STXBP6: variants seen among roughly 807,000 people sequenced by gnomAD.
STXBP6 encodes syntaxin binding protein 6, also known as syntaxin-binding protein 6.
A neutral mutation model predicts 26.9 loss-of-function variants in STXBP6; 21 were observed. The observed-to-expected ratio is 0.78, with a 90% CI of 0.55 to 1.12. STXBP6 has a LOEUF of 1.12. STXBP6 is among the 50% of genes most tolerant of loss of function. The pLI, the probability that STXBP6 is intolerant of heterozygous loss-of-function variation, is 0.00. For missense variants in STXBP6, 232 were observed against 257.9 expected (o/e 0.90, Z 0.69); for synonymous variants, 97 against 92.6 (o/e 1.05, Z -0.27).
At chr14:24,861,564 T>C (rs1055658768) in intron 2 of STXBP6, among the ~76,000 whole-genome samples, 3 of 152,196 alleles carry the variant, frequency 2.0e-5, no homozygotes, top group Admixed American at 6.5e-5. Context: ...GCAATATCCA[T>C]GAGAAACAAA....
chr14:24,995,939 A>C (rs2074590093), intron 1 of STXBP6, among the ~76,000 whole-genome samples: 1 of 152,178 alleles, frequency 6.6e-6, no homozygotes, highest in Non-Finnish European at 1.5e-5. Context: ...ACAAATCTGA[A>C]CACTGCTTTC....
intron 2 of STXBP6, among the ~76,000 whole-genome samples, chr14:24,859,410 A>G (rs2069452774): frequency 6.6e-6 from 1 of 152,110 alleles, no homozygotes. Context: ...AAATTATATT[A>G]TTATATACAC....
chr14:25,045,331 C>G (rs762276550), intron 1 of STXBP6, among the ~76,000 whole-genome samples: 1 of 152,232 alleles, frequency 6.6e-6, no homozygotes, highest in Middle Eastern at 3.4e-3. Context: ...ATAGGCAGTG[C>G]TTCCCAAATG....
chr14:24,818,356 G>A (rs1464471895), intron 5 of STXBP6, among the ~76,000 whole-genome samples: 1 of 152,068 alleles, frequency 6.6e-6, no homozygotes, highest in African/African-American at 2.4e-5. Flanking sequence ...CTTCTAAAAG[G>A]CACAGTTCTC....
intron 1 of STXBP6, among the ~76,000 whole-genome samples, chr14:24,987,476 G>A (rs943529902): frequency 6.6e-6 from 1 of 152,226 alleles, no homozygotes; most frequent in African/African-American, 2.4e-5. Flanking sequence ...GCTCCCACCT[G>A]GGGTGTCCTG....
At chr14:24,814,168 A>G (rs2067903019) in intron 5 of STXBP6, among the ~76,000 whole-genome samples, 1 of 152,196 alleles carries the variant, frequency 6.6e-6, no homozygotes, top group African/African-American at 2.4e-5. Context: ...CTTGCCAAGA[A>G]GGGTAGAGGT....
chr14:24,996,649 T>C (rs10134818), intron 1 of STXBP6, among the ~76,000 whole-genome samples: 56,775 of 151,548 alleles, frequency 0.37, 13,335 homozygotes, highest in African/African-American at 0.67. Flanking sequence ...GTCGCCAGTT[T>C]GAGACCAGCC....
chr14:24,941,993 G>A, intron 2 of STXBP6, among the ~76,000 whole-genome samples: 1 of 152,220 alleles, frequency 6.6e-6, no homozygotes, highest in East Asian at 1.9e-4. Context: ...TAGGTGATGT[G>A]TTTACTTCAA....
At chr14:24,860,581 A>G (rs2069500864) in intron 2 of STXBP6, among the ~76,000 whole-genome samples, 1 of 152,190 alleles carries the variant, frequency 6.6e-6, no homozygotes, top group Admixed American at 6.5e-5. Flanking sequence ...CTAGGAGACA[A>G]ATTATCTATT....
At chr14:24,963,854 T>C (rs951402081) in intron 2 of STXBP6, among the ~76,000 whole-genome samples, 2 of 152,124 alleles carry the variant, frequency 1.3e-5, no homozygotes, top group South Asian at 4.2e-4. Flanking sequence ...CATTTTCTTA[T>C]TGGTAATTGG....
intron 2 of STXBP6, among the ~76,000 whole-genome samples, chr14:24,902,886 G>A (rs1054041058): frequency 6.6e-6 from 1 of 152,136 alleles, no homozygotes; most frequent in African/African-American, 2.4e-5. Flanking sequence ...AGTAGTGGCA[G>A]GCCTTGGGTT....
intron 2 of STXBP6, among the ~76,000 whole-genome samples, chr14:24,967,901 T>C (rs1194210132): frequency 1.3e-5 from 2 of 152,104 alleles, no homozygotes; most frequent in African/African-American, 4.8e-5. Context: ...AATGAGGTGC[T>C]GTGGCAGTTG....
intron 1 of STXBP6, among the ~76,000 whole-genome samples, chr14:24,990,948 CAG>C (rs1402268773): frequency 6.9e-6 from 1 of 145,248 alleles, no homozygotes; most frequent in African/African-American, 2.6e-5. Flanking sequence ...GAGGAGAGAG[CAG>C]AGAGAGAAGA....
In STXBP6 at chr14:24,953,543, C is replaced by T. The variant is rs1011535009; in HGVS notation, c.154+21122G>A. On this transcript the variant is annotated intron_variant, in intron 2 of 5. Transcript: ENST00000323944. ...CTGCTCCCACGCTTTCCGCATGTCCCCAGGAAACTCTTTTTCAACCCTCAT... is the reference window on the plus strand; with the variant it reads ...CTGCTCCCACGCTTTCCGCATGTCCTCAGGAAACTCTTTTTCAACCCTCAT... Among the ~76,000 whole-genome samples, 6 of 152,186 alleles carry T rather than the reference C, an allele frequency of 3.9e-5. No homozygotes were observed. In the East Asian group the frequency reaches 5.8e-4, roughly 15 times the overall value.
intron 2 of STXBP6, among the ~76,000 whole-genome samples, chr14:24,899,800 GCA>G (rs1566458008): frequency 2.1e-4 from 3 of 14,498 alleles, no homozygotes; most frequent in Non-Finnish European, 3.8e-4. Flanking sequence ...AAAAAAAAAA[GCA>G]AAAAAAAAAA....
At chr14:24,857,718 A>G (rs1023539868) in intron 2 of STXBP6, among the ~76,000 whole-genome samples, 10 of 151,744 alleles carry the variant, frequency 6.6e-5, no homozygotes, top group Admixed American at 6.6e-4. Flanking sequence ...GTTTGTATCT[A>G]GTTTGCATCT....
At chr14:24,858,663 A>G (rs1435818112) in intron 2 of STXBP6, among the ~76,000 whole-genome samples, 1 of 152,166 alleles carries the variant, frequency 6.6e-6, no homozygotes, top group Non-Finnish European at 1.5e-5. Context: ...CAGTCTGCCC[A>G]GGACTCTGTC....
intron 2 of STXBP6, among the ~76,000 whole-genome samples, chr14:24,968,322 A>G (rs866631765): frequency 6.6e-6 from 1 of 151,704 alleles, no homozygotes; most frequent in African/African-American, 2.4e-5. Flanking sequence ...TGCTGAATAA[A>G]CCATTTCTAC....
intron 4 of STXBP6, among the ~76,000 whole-genome samples, chr14:24,826,988 C>T (rs553866976): frequency 6.6e-5 from 10 of 152,236 alleles, no homozygotes; most frequent in African/African-American, 2.2e-4. Flanking sequence ...TCACTTTAGC[C>T]CAGGAGTTTT....
Sources: gnomAD v4.1 joint callset for allele counts (sites outside exome capture counted in the v4.1 genomes callset) on GRCh38, gnomAD v4.1.1 for gene constraint, MANE v1.5 for transcripts, NCBI Gene and HGNC (gene_info 2026-07-23, HGNC 2026-07-21) for gene names.